ABR: variants seen among roughly 807,000 people sequenced by gnomAD.
The protein encoded by ABR is ABR activator of RhoGEF and GTPase, also known as active breakpoint cluster region-related protein.
ABR carries 35 observed loss-of-function variants against 107.2 expected under a neutral mutation model. That is an observed-to-expected ratio of 0.33 (90% CI 0.25 to 0.43). ABR has a LOEUF of 0.43. Among genes scored for constraint, ABR ranks in the 20% least tolerant of loss-of-function variants. ABR has a pLI of 1.00. For synonymous variants in ABR, 498 were observed against 462.0 expected, an observed-to-expected ratio of 1.08 and a Z score of -1.00; for missense variants, 815 against 1,115.2, an observed-to-expected ratio of 0.73 and a Z score of 3.83.
At chr17:1,109,154 AG>A (rs933922928) in intron 2 of ABR, 58 of 476,450 alleles carry the variant, frequency 1.2e-4, no homozygotes, top group East Asian at 1.9e-4. Flanking sequence ...GGCGGGCGGG[AG>A]GGGGGGCAGG....
intron 1 of ABR, among the ~76,000 whole-genome samples, chr17:1,196,711 T>C (rs1011102258): frequency 6.6e-6 from 1 of 151,314 alleles, no homozygotes; most frequent in Non-Finnish European, 1.5e-5. Flanking sequence ...TTTTTTTTTT[T>C]TGAGACGGAG....
chr17:1,193,611 G>A lies in ABR; in HGVS notation c.838+35182C>T, dbSNP rs181048927. On this transcript the variant is annotated intron_variant, in intron 1 of 22. Transcript: ENST00000574139. Reference sequence around the variant, plus strand: ...GCCGCCCGACATTCACTCAGGAAGAGCTCGGTTTCCAGCACGCCAGGGAGT... The same window carrying A: ...GCCGCCCGACATTCACTCAGGAAGAACTCGGTTTCCAGCACGCCAGGGAGT... 4.3e-3 allele frequency among the ~76,000 whole-genome samples: 661 copies of A among 152,204 alleles called. 2 individuals are homozygous for A. Among genetic ancestry groups the A allele is most frequent in the Non-Finnish European group, 7.2e-3 (490 of 68,006 alleles).
chr17:1,199,395 G>C (rs1234219943), intron 1 of ABR, among the ~76,000 whole-genome samples: 1 of 150,902 alleles, frequency 6.6e-6, no homozygotes, highest in Non-Finnish European at 1.5e-5. Flanking sequence ...AGGCTGTTGG[G>C]GTTTTTGTTT....
Position 1,012,975 on chromosome 17 carries a change from G to A in ABR, c.1851+130C>T, listed in dbSNP as rs1185401754. 2.5e-6 allele frequency: 3 copies of A among 1,199,654 alleles called. No individual in the cohort carries two copies. The African/African-American group carries it at 4.5e-5, about 18-fold the overall frequency. The allele number at this position is 1,199,654 out of a possible 1,614,324, so 74.3% of individuals were successfully genotyped here. A position where few individuals can be genotyped will look rare whatever the true frequency, so the allele number is the denominator to read the frequency against. On this transcript the variant is annotated intron_variant, in intron 17 of 22. Coordinates refer to ENST00000302538, the MANE Select transcript of ABR (RefSeq NM_021962.5). ...CAGGGTGTGGGCAGGAGGGGAGAGG[G>A]GGCTGGGCTGCGGGGAGGTCGAGGC...
chr17:1,072,363 C>T (rs1338369292), intron 8 of ABR, among the ~76,000 whole-genome samples: 7 of 151,946 alleles, frequency 4.6e-5, no homozygotes, highest in African/African-American at 1.2e-4. Context: ...CGGTGCCGCC[C>T]GTGTGTGAGA....
chr17:1,037,038 C>CCCAT lies in ABR; in HGVS notation c.1791+13008_1791+13011dup, dbSNP rs1240415776. Among the ~76,000 whole-genome samples the CCCAT allele has an allele frequency of 4.5e-5, 6 of 134,284 alleles. No individual in the cohort carries two copies. Among genetic ancestry groups the CCCAT allele is most frequent in the East Asian group, 2.5e-4 (1 of 4,004 alleles). 88.1% of individuals were successfully genotyped at this position (134,284 alleles called of 152,430 possible). A position where few individuals can be genotyped will look rare whatever the true frequency, so the allele number is the denominator to read the frequency against. On this transcript the variant is annotated intron_variant, in intron 16 of 22. Coordinates refer to ENST00000302538, the MANE Select transcript of ABR (RefSeq NM_021962.5). The surrounding 1 kb of genome is among the most constrained non-coding windows in gnomAD (Gnocchi z 4.6). ...ATCCTTCCTTCCTTCCATCCATCCA[C>CCCAT]CCATCCATCCATCCATCCACCCATC...
chr17:1,041,620 C>G (rs770990392), intron 16 of ABR, among the ~76,000 whole-genome samples: 1 of 152,168 alleles, frequency 6.6e-6, no homozygotes, highest in African/African-American at 2.4e-5. Flanking sequence ...TTAATCCCAG[C>G]TAACCAGGAG....
intron 1 of ABR, among the ~76,000 whole-genome samples, chr17:1,217,733 G>C (rs7224511): frequency 0.43 from 66,043 of 152,008 alleles, 14,646 homozygotes; most frequent in Middle Eastern, 0.54. Flanking sequence ...CTTGCTCTGT[G>C]GCCCAGGCTG....
upstream of ABR, among the ~76,000 whole-genome samples, chr17:1,188,918 G>T (rs1364467004): frequency 6.6e-6 from 1 of 152,198 alleles, no homozygotes; most frequent in East Asian, 1.9e-4. Context: ...CACTGCACCA[G>T]CTTCTCTTAG....
At chr17:1,124,786 A>G (rs913998912) in intron 2 of ABR, among the ~76,000 whole-genome samples, 6 of 152,166 alleles carry the variant, frequency 3.9e-5, no homozygotes, top group Admixed American at 3.9e-4. Context: ...CGGGAGCAGC[A>G]TCTGAACACC....
At chr17:1,191,662 T>G (rs1010982738), upstream of ABR, among the ~76,000 whole-genome samples, 3 of 152,108 alleles carry the variant, frequency 2.0e-5, no homozygotes, top group African/African-American at 7.2e-5. Context: ...TTCTGACATA[T>G]TCAATAGTGT....
chr17:1,135,540 G>A (rs1042141150), intron 1 of ABR, among the ~76,000 whole-genome samples: 1 of 151,816 alleles, frequency 6.6e-6, no homozygotes, highest in Non-Finnish European at 1.5e-5. Context: ...AGCAGCTGAG[G>A]GAGCCCAGCC....
chr17:1,162,057 AG>A (rs1188477887), intron 1 of ABR, among the ~76,000 whole-genome samples: 2 of 152,198 alleles, frequency 1.3e-5, no homozygotes, highest in Non-Finnish European at 2.9e-5. Flanking sequence ...GTTCGAATCC[AG>A]GCTCTGCAAT....
intron 1 of ABR, among the ~76,000 whole-genome samples, chr17:1,156,418 T>C (rs964855925): frequency 6.6e-6 from 1 of 152,146 alleles, no homozygotes; most frequent in Non-Finnish European, 1.5e-5. Context: ...CTGTGGTGGC[T>C]CACGCCTGCA....
chr17:1,146,635 ATG>A (rs2040541591), intron 1 of ABR, among the ~76,000 whole-genome samples: 20 of 33,694 alleles, frequency 5.9e-4, no homozygotes, highest in Admixed American at 2.6e-4. Context: ...CCACTGCCAC[ATG>A]CCACCACTGC....
At chr17:1,053,889 G>C (rs995342405) in intron 14 of ABR, among the ~76,000 whole-genome samples, 4 of 152,186 alleles carry the variant, frequency 2.6e-5, no homozygotes, top group Admixed American at 2.0e-4. Context: ...GAGCTCACTA[G>C]CCAGAAGCTC....
intron 1 of ABR, among the ~76,000 whole-genome samples, chr17:1,156,889 C>T (rs62069440): frequency 0.077 from 11,651 of 152,142 alleles, 517 homozygotes; most frequent in Middle Eastern, 0.15. Context: ...GTGGCTCTTC[C>T]GTCCACCTCC....
intron 16 of ABR, among the ~76,000 whole-genome samples, chr17:1,045,202 T>C (rs574733468): frequency 2.4e-4 from 36 of 152,352 alleles, no homozygotes; most frequent in African/African-American, 8.2e-4. Flanking sequence ...CATACAAACA[T>C]TGCTTTTGGA....
At chr17:1,158,155 C>T (rs773401321) in intron 1 of ABR, among the ~76,000 whole-genome samples, 2 of 152,080 alleles carry the variant, frequency 1.3e-5, no homozygotes, top group South Asian at 2.1e-4. Flanking sequence ...CAGGCAGGAG[C>T]GAAGATGAAC....
Sources: allele counts gnomAD v4.1 joint callset (sites outside exome capture counted in the v4.1 genomes callset), GRCh38; gene constraint gnomAD v4.1.1; non-coding constraint Gnocchi (gnomAD v3.1); transcripts MANE v1.5; gene names NCBI Gene and HGNC (gene_info 2026-07-23, HGNC 2026-07-21).